The following SLC11A2 variants were observed in gnomAD, a reference collection of about 807,000 sequenced individuals.
SLC11A2 encodes natural resistance-associated macrophage protein 2.
In SLC11A2, 38 loss-of-function variants were observed where a neutral mutation model predicts 68.0. The ratio of observed to expected loss-of-function variants is 0.56; its 90% CI spans 0.43 to 0.73. The LOEUF is 0.73. SLC11A2 is among the 30% of genes least tolerant of loss of function. The probability of loss-of-function intolerance (pLI) is 0.00; values close to 1 mark genes in which losing one functional copy is unlikely to be tolerated. For missense variants in SLC11A2, 517 were observed against 690.5 expected (o/e 0.75, Z 2.82); for synonymous variants, 242 against 250.6 (o/e 0.97, Z 0.32).
At chr12:50,990,525 A>G in intron 15 of SLC11A2, 1 of 399,728 alleles carries the variant, frequency 2.5e-6, no homozygotes, top group East Asian at 3.9e-5. Flanking sequence ...TTCCATATAC[A>G]TTGTCTCGAT....
chr12:50,958,890 G>GC, the SLC11A2 span, among the ~76,000 whole-genome samples: 1 of 151,448 alleles, frequency 6.6e-6, no homozygotes, highest in Admixed American at 6.6e-5. Context: ...GGTGGTGCAT[G>GC]CCTGTAATCC....
chr12:50,993,942 T>C (rs368725064), intron 11 of SLC11A2, among the ~76,000 whole-genome samples: 1 of 121,654 alleles, frequency 8.2e-6, no homozygotes. Flanking sequence ...CAGTGAGCCA[T>C]GATCGAGCCA....
intron 1 of SLC11A2, 63 bp from the exon 2 acceptor site, chr12:51,010,829 C>T: frequency 1.2e-6 from 1 of 819,992 alleles, no homozygotes; most frequent in South Asian, 1.6e-5. Flanking sequence ...TCAGAACCAG[C>T]AGTTTGTTAC....
At chr12:51,003,153 T>C (rs1336318659) in intron 5 of SLC11A2, among the ~76,000 whole-genome samples, 3 of 151,690 alleles carry the variant, frequency 2.0e-5, no homozygotes, top group Non-Finnish European at 2.9e-5. Context: ...GGAGAATCAC[T>C]TGAAACTGAA....
At chr12:50,974,557 G>C (rs912570177), downstream of SLC11A2, among the ~76,000 whole-genome samples, 9 of 152,132 alleles carry the variant, frequency 5.9e-5, no homozygotes, top group African/African-American at 1.2e-4. Flanking sequence ...AAAGACCATC[G>C]ATGCTAGGAA....
intron 5 of SLC11A2, among the ~76,000 whole-genome samples, chr12:51,002,143 T>C (rs1942303039): frequency 6.6e-6 from 1 of 151,426 alleles, no homozygotes; most frequent in African/African-American, 2.4e-5. Context: ...AGCCCAGGAG[T>C]TCAAGCCCAG....
intron 11 of SLC11A2, 76 bp from the exon 12 acceptor site, chr12:50,993,005 T>G: frequency 3.2e-6 from 5 of 1,572,226 alleles, no homozygotes; most frequent in Non-Finnish European, 4.4e-6. Context: ...CAGTTCCCTG[T>G]GGCATTTCTC....
chr12:51,018,495 G>T (rs1343101778), intron 1 of SLC11A2, among the ~76,000 whole-genome samples: 2 of 150,734 alleles, frequency 1.3e-5, no homozygotes, highest in South Asian at 2.1e-4. Context: ...TTTAATCTAC[G>T]GTTAAAACAA....
chr12:51,004,057 G>C (rs779734389), intron 5 of SLC11A2, among the ~76,000 whole-genome samples: 1 of 152,158 alleles, frequency 6.6e-6, no homozygotes, highest in Non-Finnish European at 1.5e-5. Context: ...GGGGCATATG[G>C]GATATTTTGA....
the SLC11A2 span, among the ~76,000 whole-genome samples, chr12:50,972,656 G>A: frequency 1.3e-5 from 2 of 152,232 alleles, no homozygotes; most frequent in African/African-American, 4.8e-5. Flanking sequence ...AGGACAGTGG[G>A]TGCAGAGCAC....
chr12:51,023,270 G>A (rs992348962), intron 1 of SLC11A2, among the ~76,000 whole-genome samples: 3 of 152,156 alleles, frequency 2.0e-5, no homozygotes, highest in African/African-American at 7.2e-5. Flanking sequence ...AATATAGTGA[G>A]AACTCAACTC....
the SLC11A2 span, among the ~76,000 whole-genome samples, chr12:50,958,551 G>A: frequency 1.3e-5 from 2 of 151,638 alleles, no homozygotes; most frequent in Admixed American, 6.6e-5. Flanking sequence ...AAAGTGCTGG[G>A]ATTACAGGCG....
chr12:50,993,592 G>A (rs1941398742), intron 11 of SLC11A2, among the ~76,000 whole-genome samples: 1 of 148,200 alleles, frequency 6.7e-6, no homozygotes, highest in Non-Finnish European at 1.5e-5. Flanking sequence ...TTGGGAGGCC[G>A]AGGGGGGGGT....
chr12:50,965,056 C>G, the SLC11A2 span, among the ~76,000 whole-genome samples: 1 of 152,106 alleles, frequency 6.6e-6, no homozygotes, highest in Non-Finnish European at 1.5e-5. Flanking sequence ...GATGATGGCA[C>G]TAATCTCTAC....
rs939016880 is a variant in SLC11A2 at position 50,996,985 on chromosome 12, A to G, written c.676-13T>C. The G allele has an allele frequency of 6.2e-7, 1 of 1,612,628 alleles. No homozygotes were observed. Among genetic ancestry groups the G allele is most frequent in the Non-Finnish European group, 8.5e-7 (1 of 1,178,642 alleles). On this transcript the variant is annotated splice_polypyrimidine_tract_variant and intron_variant, in intron 8 of 15. Coordinates refer to ENST00000262052, the MANE Select transcript of SLC11A2 (RefSeq NM_000617.3). ...TCACTGTAACATACTACATACCAAC[A>G]TAACAATGATTAGCCTTTACAGGAA...
rs1321831576 is a variant in SLC11A2 at position 50,988,303 on chromosome 12, C to G, written c.*22G>C. 1.2e-6 allele frequency: 2 copies of G among 1,613,700 alleles called. No homozygotes were observed. The highest frequency in any genetic ancestry group is 3.3e-5 in the Admixed American group (2 of 59,964). On this transcript the variant is annotated 3_prime_UTR_variant, in exon 16 of 16. Coordinates refer to ENST00000262052, the MANE Select transcript of SLC11A2 (RefSeq NM_000617.3). ...ACACACTGGCTCTGATGGCTACCTG[C>G]AGAAGACAGACTAATCCAGTGTTAT...
chr12:51,010,737 C>T lies in SLC11A2; in HGVS notation c.-9G>A. On this transcript the variant is annotated 5_prime_UTR_variant, in exon 2 of 16. Coordinates refer to ENST00000262052, the MANE Select transcript of SLC11A2 (RefSeq NM_000617.3). ...TCAGGACCCAGCACCATGGTGGATA[C>T]CTGAGTGGCTGAGTTCTTAGAATAT... 6.2e-7 allele frequency: 1 copy of T among 1,606,014 alleles called. No individual in the cohort carries two copies. Among genetic ancestry groups the T allele is most frequent in the Non-Finnish European group, 8.5e-7 (1 of 1,173,436 alleles).
At chr12:50,966,750 A>C in the SLC11A2 span, among the ~76,000 whole-genome samples, 2 of 152,174 alleles carry the variant, frequency 1.3e-5, no homozygotes, top group African/African-American at 4.8e-5. Context: ...GACCCATTTC[A>C]TTTATGTCTG....
In SLC11A2 at chr12:51,026,335, A is replaced by ACGC. The variant is rs1566050472; in HGVS notation, c.-67_-65dup. The ACGC allele has an allele frequency of 7.9e-7, 1 of 1,267,940 alleles. No homozygotes were observed. 78.5% of individuals were successfully genotyped at this position (1,267,940 alleles called of 1,614,324 possible). On this transcript the variant is annotated 5_prime_UTR_variant, in exon 1 of 16. Transcript: ENST00000262052. ...CTTACCAGCTCCGCAACCACCTGAC[A>ACGC]CGCCGCCCCCGCGCCCAGGGCTCCA...
Sources: gnomAD v4.1 joint callset for allele counts (sites outside exome capture counted in the v4.1 genomes callset) on GRCh38, gnomAD v4.1.1 for gene constraint, MANE v1.5 for transcripts, NCBI Gene and HGNC (gene_info 2026-07-23, HGNC 2026-07-21) for gene names.